The following GRAMD1B variants were observed in gnomAD, a reference collection of about 807,000 sequenced individuals.
GRAMD1B encodes the protein protein Aster-B.
In GRAMD1B, 37 loss-of-function variants were observed where a neutral mutation model predicts 99.7. The observed-to-expected ratio is 0.37, with a 90% CI of 0.29 to 0.49. The LOEUF (loss-of-function observed/expected upper bound fraction) is 0.49. Ranked by LOEUF, GRAMD1B falls within the 20% of genes least tolerant of loss-of-function variation. The probability of loss-of-function intolerance (pLI) is 0.98; values close to 1 mark genes in which losing one functional copy is unlikely to be tolerated. For missense variants in GRAMD1B, 888 were observed against 1,009.2 expected, an observed-to-expected ratio of 0.88 and a Z score of 1.63; for synonymous variants, 427 against 387.6, an observed-to-expected ratio of 1.10 and a Z score of -1.19.
chr11:123,605,854 G>A (rs138833434), intron 10 of GRAMD1B, among the ~76,000 whole-genome samples: 12 of 152,266 alleles, frequency 7.9e-5, no homozygotes, highest in African/African-American at 2.6e-4. Context: ...ACAATTAATT[G>A]TTTATCCACT....
At position 123,415,391 on chromosome 11, in the gene GRAMD1B, G is replaced by A. The variant is rs137995696; in HGVS notation, c.-176+56592G>A. Among the ~76,000 whole-genome samples the A allele has an allele frequency of 3.7e-3, 569 of 152,086 alleles. 3 individuals are homozygous for A. Among genetic ancestry groups the A allele is most frequent in the Admixed American group, 7.3e-3 (112 of 15,272 alleles). On this transcript the variant is annotated intron_variant, in intron 1 of 20. Transcript: ENST00000638157. ...GCTGGGATTACAGGCGTGAGCCACC[G>A]TGACCAGCCAAGGCTGCCTTTTCTT...
intron 9 of GRAMD1B, among the ~76,000 whole-genome samples, chr11:123,604,783 G>A (rs2136820643): frequency 2.0e-5 from 3 of 152,280 alleles, no homozygotes; most frequent in Middle Eastern, 6.8e-3. Flanking sequence ...GGCTACAGCG[G>A]CATCCCTGAA....
At chr11:123,560,393 G>T in intron 2 of GRAMD1B, 1 of 1,174,368 alleles carries the variant, frequency 8.5e-7, no homozygotes, top group South Asian at 1.6e-5. Flanking sequence ...TGGGGGAGAG[G>T]GAAATAAAGG....
In GRAMD1B at chr11:123,510,769, T is replaced by G. The variant is rs542928344; in HGVS notation, c.452+29876T>G. On this transcript the variant is annotated intron_variant, in intron 2 of 19. Transcript: ENST00000635736. The surrounding 1 kb of genome is among the most constrained non-coding windows in gnomAD (Gnocchi z 4.3). ...TGGCGAGTTCTGCCTTTGGTTCACT[T>G]TTCTCTCTCCTCCTCTCCCTCAGCC... Among the ~76,000 whole-genome samples the G allele has an allele frequency of 5.3e-5, 8 of 152,208 alleles. No homozygotes were observed. The highest frequency in any genetic ancestry group is 1.9e-4 in the African/African-American group (8 of 41,540).
chr11:123,426,476 T>C (rs1381989799), upstream of GRAMD1B, among the ~76,000 whole-genome samples: 2 of 152,208 alleles, frequency 1.3e-5, no homozygotes, highest in African/African-American at 2.4e-5. Flanking sequence ...ACAGTCAACA[T>C]TGCTCTCAGC....
chr11:123,458,956 A>G (rs1055801567), intron 1 of GRAMD1B: 10 of 152,194 alleles, frequency 6.6e-5, no homozygotes, highest in Non-Finnish European at 1.5e-4. Flanking sequence ...CTCAGTGAGA[A>G]CAATCACTTT....
chr11:123,473,170 TCTC>T (rs1444746388), intron 1 of GRAMD1B, among the ~76,000 whole-genome samples: 8 of 152,004 alleles, frequency 5.3e-5, no homozygotes, highest in African/African-American at 1.7e-4. Flanking sequence ...TTCAAACAAT[TCTC>T]CTGCCTCAGC....
rs138006363 is a variant in GRAMD1B at position 123,445,160 on chromosome 11, G to C, written c.374+13994G>C. 7.2e-4 allele frequency among the ~76,000 whole-genome samples: 109 copies of C among 152,314 alleles called. 1 individual carries two copies. The East Asian group carries it at 0.019, about 27-fold the overall frequency. On this transcript the variant is annotated intron_variant, in intron 1 of 19. Transcript: ENST00000635736. ...ACATTTCTGAAGCACTATTTCTAGAGAAGGATCAGGCTGAGATGCTTCTCC... is the reference window on the plus strand; with the variant it reads ...ACATTTCTGAAGCACTATTTCTAGACAAGGATCAGGCTGAGATGCTTCTCC...
chr11:123,569,647 G>A (rs1014773561), intron 2 of GRAMD1B, among the ~76,000 whole-genome samples: 3 of 152,216 alleles, frequency 2.0e-5, no homozygotes, highest in Admixed American at 6.5e-5. Flanking sequence ...CCACTTGAGC[G>A]TGTGCTATGG....
intron 2 of GRAMD1B, chr11:123,560,147 A>G (rs1946569826): frequency 1.0e-6 from 1 of 953,144 alleles, no homozygotes; most frequent in Admixed American, 5.7e-5. Context: ...TGCACCAAAG[A>G]GTTGCATTAT....
At chr11:123,427,210 G>C (rs748480944), upstream of GRAMD1B, among the ~76,000 whole-genome samples, 15 of 152,208 alleles carry the variant, frequency 9.9e-5, no homozygotes, top group Non-Finnish European at 1.9e-4. Context: ...CTTTGGTTCT[G>C]ATGTTGGCAC....
At chr11:123,435,314 G>C in intron 1 of GRAMD1B, 1 of 655,436 alleles carries the variant, frequency 1.5e-6, no homozygotes, top group African/African-American at 1.8e-5. Context: ...AGCGTGATGT[G>C]GTAGAAGTTA....
chr11:123,461,929 A>AG (rs1428711328), intron 1 of GRAMD1B, among the ~76,000 whole-genome samples: 2 of 129,580 alleles, frequency 1.5e-5, no homozygotes, highest in Non-Finnish European at 3.3e-5. Flanking sequence ...TTTCAAGTGC[A>AG]GGTTTTTTTT....
At chr11:123,415,039 C>T (rs1469900368) in intron 1 of GRAMD1B, among the ~76,000 whole-genome samples, 1 of 151,886 alleles carries the variant, frequency 6.6e-6, no homozygotes, top group Admixed American at 6.6e-5. Flanking sequence ...TATGAAAGGC[C>T]CCTAAGGCTG....
intron 3 of GRAMD1B, among the ~76,000 whole-genome samples, chr11:123,582,506 G>A (rs1949468845): frequency 6.6e-6 from 1 of 152,326 alleles, no homozygotes; most frequent in Non-Finnish European, 1.5e-5. Context: ...AGGTTGGGAA[G>A]TGACCCTGGA....
At position 123,624,027 on chromosome 11, in the gene GRAMD1B, G is replaced by A. The variant is rs921586852; in HGVS notation, c.*1432G>A. 11 of 152,182 alleles carry A rather than the reference G, an allele frequency of 7.2e-5. No homozygotes were observed. The highest frequency in any genetic ancestry group is 2.4e-4 in the African/African-American group (10 of 41,430). 9.4% of individuals were successfully genotyped at this position (152,182 alleles called of 1,614,324 possible). ...TTTATCTGAATTCACGGGGCCCTCT[G>A]GGCACATTCATCATCCCTCATACAC... is the stretch of plus-strand genomic sequence containing the variant. On this transcript the variant is annotated 3_prime_UTR_variant, in exon 20 of 20. Coordinates refer to ENST00000635736, the MANE Select transcript of GRAMD1B (RefSeq NM_001387025.1).
intron 4 of GRAMD1B, among the ~76,000 whole-genome samples, chr11:123,589,245 A>G (rs1007126991): frequency 1.3e-5 from 2 of 151,844 alleles, no homozygotes; most frequent in Non-Finnish European, 2.9e-5. Flanking sequence ...TGTTTGAGGC[A>G]TAGATCCTTC....
intron 12 of GRAMD1B, 74 bp downstream of exon 12, chr11:123,608,876 C>G (rs1315718184): frequency 9.9e-7 from 1 of 1,007,966 alleles, no homozygotes; most frequent in Non-Finnish European, 1.5e-6. Flanking sequence ...CATTTGCTTC[C>G]TTCCCTTCCT....
intron 2 of GRAMD1B, chr11:123,491,585 G>C: frequency 1.0e-5 from 3 of 293,486 alleles, no homozygotes; most frequent in Non-Finnish European, 1.9e-5. Flanking sequence ...GATGTTGAAA[G>C]ATGGAGGAGG....
Sources: gnomAD v4.1 joint callset for allele counts (sites outside exome capture counted in the v4.1 genomes callset) on GRCh38, gnomAD v4.1.1 for gene constraint, Gnocchi (gnomAD v3.1) non-coding constraint, MANE v1.5 for transcripts, NCBI Gene and HGNC (gene_info 2026-07-23, HGNC 2026-07-21) for gene names.